The following MECOM variants were observed in gnomAD, a reference collection of about 807,000 sequenced individuals.
MECOM encodes the protein histone-lysine N-methyltransferase MECOM.
MECOM carries 13 observed loss-of-function variants against 116.3 expected under a neutral mutation model. The observed-to-expected ratio is 0.11, with a 90% CI of 0.07 to 0.18. The LOEUF is 0.18. MECOM is among the 10% of genes least tolerant of loss of function. MECOM has a pLI of 1.00. For missense variants in MECOM, 1,299 were observed against 1,509.0 expected, an observed-to-expected ratio of 0.86 and a Z score of 2.31; for synonymous variants, 528 against 535.2, an observed-to-expected ratio of 0.99 and a Z score of 0.19.
At chr3:169,387,036 G>A (rs1450511997) in intron 1 of MECOM, among the ~76,000 whole-genome samples, 1 of 151,982 alleles carries the variant, frequency 6.6e-6, no homozygotes, top group African/African-American at 2.4e-5. Context: ...CTTGGATATT[G>A]TATTTTAAAA....
At chr3:169,172,096 T>C (rs1368142942) in intron 2 of MECOM, among the ~76,000 whole-genome samples, 2 of 151,622 alleles carry the variant, frequency 1.3e-5, no homozygotes, top group African/African-American at 2.4e-5. Flanking sequence ...TTCTGGATAC[T>C]ATAAATTTTT....
At chr3:169,237,085 G>A (rs973007981) in intron 2 of MECOM, among the ~76,000 whole-genome samples, 4 of 152,176 alleles carry the variant, frequency 2.6e-5, no homozygotes, top group African/African-American at 9.7e-5. Flanking sequence ...CCTGAATTAA[G>A]TCTGAGTAGA....
intron 2 of MECOM, among the ~76,000 whole-genome samples, chr3:169,217,967 T>C (rs915344328): frequency 5.9e-5 from 9 of 151,428 alleles, no homozygotes; most frequent in African/African-American, 2.2e-4. Flanking sequence ...AATTTTATTA[T>C]ACATCCTAAA....
In MECOM at chr3:169,115,644, T is replaced by A; in HGVS notation, c.2228A>T (p.Asp743Val). The stretch of plus-strand genomic sequence containing the variant: ...CTCATCCTTTCGCTTAGTGGTGAGA[T>A]CAAAGGGGGACTCAGAGCTGCCCTT... ...LQKGSSESPF[D>V]LTTKRKDEKP... is the part of the protein sequence containing the mutation. Residue 743 changes from aspartate (D) to valine (V), a missense_variant, in exon 8 of 17, where the codon GAT becomes GTT. This residue lies in a region of MECOM where 340 missense variants were observed against 312.6 expected (regional missense o/e 1.09). Coordinates refer to ENST00000651503, the MANE Select transcript of MECOM (RefSeq NM_004991.4). 6.2e-7 allele frequency: 1 copy of A among 1,614,092 alleles called. No individual in the cohort carries two copies. The highest frequency in any genetic ancestry group is 8.5e-7 in the Non-Finnish European group (1 of 1,180,026).
At chr3:169,245,616 AGTGGAGAACAAAACTG>A (rs1755484897) in intron 2 of MECOM, among the ~76,000 whole-genome samples, 1 of 152,224 alleles carries the variant, frequency 6.6e-6, no homozygotes, top group Non-Finnish European at 1.5e-5. Flanking sequence ...TTTAGACCCT[AGTGGAGAACAAAACTG>A]AGAGGTCTTA....
In MECOM at chr3:169,355,832, CT is replaced by C. The variant is rs968433485; in HGVS notation, c.375+25354del. On this transcript the variant is annotated intron_variant, in intron 2 of 16. Coordinates refer to ENST00000651503, the MANE Select transcript of MECOM (RefSeq NM_004991.4). ...CAGTGAAGATTCTCTAGAATATCAT[CT>C]TTTTTTTTTCCAATTTTATAAGAAA... Among the ~76,000 whole-genome samples, 906 of 148,784 alleles carry C rather than the reference CT, an allele frequency of 6.1e-3. 4 individuals are homozygous for C. The highest frequency in any genetic ancestry group is 0.014 in the African/African-American group (569 of 40,714).
At chr3:169,259,140 A>G (rs760715654) in intron 2 of MECOM, among the ~76,000 whole-genome samples, 3 of 152,202 alleles carry the variant, frequency 2.0e-5, no homozygotes, top group Non-Finnish European at 4.4e-5. Flanking sequence ...AGACAACACT[A>G]TGTGGCCAAG....
At chr3:169,652,013 T>C (rs1430456574) in intron 1 of MECOM, among the ~76,000 whole-genome samples, 1 of 152,148 alleles carries the variant, frequency 6.6e-6, no homozygotes, top group South Asian at 2.1e-4. Context: ...AGAAAAATAT[T>C]GTGTATAAGA....
intron 2 of MECOM, among the ~76,000 whole-genome samples, chr3:169,278,601 T>A (rs1759899612): frequency 6.6e-6 from 1 of 152,216 alleles, no homozygotes; most frequent in Non-Finnish European, 1.5e-5. Context: ...TTTATCAGGT[T>A]CATCTATATA....
intron 1 of MECOM, among the ~76,000 whole-genome samples, chr3:169,438,438 G>A (rs1389906256): frequency 6.6e-6 from 1 of 152,138 alleles, no homozygotes; most frequent in Non-Finnish European, 1.5e-5. Context: ...AGACAGAGAA[G>A]GGCCAGAAGT....
rs553357549 is a variant in MECOM, at chr3:169,470,093, A to T, written c.38-88569T>A. The T allele has an allele frequency of 1.1e-4, 16 of 152,370 alleles. No homozygotes were observed. The South Asian group carries it at 3.3e-3, about 32-fold the overall frequency. 9.4% of individuals were successfully genotyped at this position (152,370 alleles called of 1,614,324 possible). A position where few individuals can be genotyped will look rare whatever the true frequency, so the allele number is the denominator to read the frequency against. Reference sequence around the variant, plus strand: ...TTATATTAAAAAAGTAGCCAAGCACATGTGCCAACAATGCAAAAGTGTATA... The same window carrying T: ...TTATATTAAAAAAGTAGCCAAGCACTTGTGCCAACAATGCAAAAGTGTATA... On this transcript the variant is annotated intron_variant, in intron 1 of 16. Coordinates refer to ENST00000651503, the MANE Select transcript of MECOM (RefSeq NM_004991.4).
chr3:169,452,027 G>A (rs1227147560), intron 1 of MECOM, among the ~76,000 whole-genome samples: 1 of 151,800 alleles, frequency 6.6e-6, no homozygotes. Flanking sequence ...CTCTAGTAAT[G>A]CTTTTTTATA....
chr3:169,545,736 C>T (rs1478482641), intron 1 of MECOM, among the ~76,000 whole-genome samples: 1 of 152,174 alleles, frequency 6.6e-6, no homozygotes, highest in Non-Finnish European at 1.5e-5. Context: ...AATACTGATT[C>T]CCAAGTCTGT....
intron 2 of MECOM, among the ~76,000 whole-genome samples, chr3:169,339,453 C>A (rs1202162553): frequency 2.6e-5 from 4 of 152,178 alleles, no homozygotes; most frequent in African/African-American, 9.6e-5. Flanking sequence ...TAAATACAGG[C>A]AAATGATTTG....
chr3:169,269,963 TA>T lies in MECOM; in HGVS notation c.375+111223del, dbSNP rs1427864065. On this transcript the variant is annotated intron_variant, in intron 2 of 16. Transcript: ENST00000651503. ...GCTTTCTAACAGCTGCATACGTATA[TA>T]AAGGTGTGTGTGTGTGTGTGTGTGT... 2.1e-5 allele frequency among the ~76,000 whole-genome samples: 3 copies of T among 142,724 alleles called. No individual in the cohort carries two copies. The East Asian group carries it at 5.9e-4, about 28-fold the overall frequency. 93.6% of individuals were successfully genotyped at this position (142,724 alleles called of 152,430 possible). A position where few individuals can be genotyped will look rare whatever the true frequency, so the allele number is the denominator to read the frequency against.
At chr3:169,088,140 A>G (rs1042462514) in intron 16 of MECOM, among the ~76,000 whole-genome samples, 4 of 152,286 alleles carry the variant, frequency 2.6e-5, no homozygotes, top group Admixed American at 2.0e-4. Context: ...GTCACATTGC[A>G]GGTCAGGCCA....
At chr3:169,585,995 A>G (rs1765730124) in intron 1 of MECOM, among the ~76,000 whole-genome samples, 1 of 152,216 alleles carries the variant, frequency 6.6e-6, no homozygotes, top group African/African-American at 2.4e-5. Flanking sequence ...TTCCTATGCA[A>G]GACTCTACAA....
At chr3:169,129,693 G>A (rs1415315390) in intron 4 of MECOM, among the ~76,000 whole-genome samples, 1 of 152,078 alleles carries the variant, frequency 6.6e-6, no homozygotes, top group African/African-American at 2.4e-5. Context: ...TCAGCCAGGA[G>A]TCCGAACACA....
chr3:169,549,982 A>G (rs545445955), intron 1 of MECOM, among the ~76,000 whole-genome samples: 71 of 152,300 alleles, frequency 4.7e-4, no homozygotes, highest in Middle Eastern at 3.4e-3. Context: ...CGCAACCTCT[A>G]TCAGGAAAGG....
Sources: gnomAD v4.1 joint callset for allele counts (sites outside exome capture counted in the v4.1 genomes callset) on GRCh38, gnomAD v4.1.1 for gene constraint, gnomAD v4.1.1 regional missense constraint, MANE v1.5 for transcripts, NCBI Gene and HGNC (gene_info 2026-07-23, HGNC 2026-07-21) for gene names.